Variants in AKR1B15 observed in about 807,000 individuals in gnomAD.
AKR1B15 encodes estradiol 17-beta-dehydrogenase AKR1B15.
A neutral mutation model predicts 38.5 loss-of-function variants in AKR1B15; 49 were observed. The ratio of observed to expected loss-of-function variants is 1.27; its 90% CI spans 1.01 to 1.62. The LOEUF (loss-of-function observed/expected upper bound fraction) is 1.62, where lower values mean the gene tolerates loss of function less well. Ranked by LOEUF, AKR1B15 falls within the 40% of genes most tolerant of loss-of-function variation. AKR1B15 has a pLI of 0.00. For synonymous variants in AKR1B15, 137 were observed against 135.5 expected (o/e 1.01, Z -0.08); for missense variants, 411 against 381.6 (o/e 1.08, Z -0.64).
intron 1 of AKR1B15, among the ~76,000 whole-genome samples, chr7:134,555,407 C>T (rs1056586109): frequency 6.6e-6 from 1 of 152,064 alleles, no homozygotes; most frequent in East Asian, 1.9e-4. Flanking sequence ...TCATCATTCT[C>T]GCATCAAAAA....
At chr7:134,555,753 G>A (rs995375502) in intron 1 of AKR1B15, among the ~76,000 whole-genome samples, 4 of 152,116 alleles carry the variant, frequency 2.6e-5, no homozygotes, top group African/African-American at 9.7e-5. Flanking sequence ...TTGCTGCAGG[G>A]TTCGGACACA....
chr7:134,564,235 C>G (rs1794483008), intron 2 of AKR1B15, among the ~76,000 whole-genome samples: 2 of 152,176 alleles, frequency 1.3e-5, no homozygotes, highest in Non-Finnish European at 2.9e-5. Context: ...ATTTCTCAGA[C>G]AGTTTGCAAG....
chr7:134,564,196 A>G (rs1180993822), intron 2 of AKR1B15, among the ~76,000 whole-genome samples: 1 of 152,156 alleles, frequency 6.6e-6, no homozygotes, highest in East Asian at 1.9e-4. Flanking sequence ...TATCTACTTC[A>G]TTATCCTACT....
rs549856506 is a variant in AKR1B15, at chr7:134,573,548, G to A, written c.513+1867G>A. On this transcript the variant is annotated intron_variant, in intron 6 of 11. Transcript: ENST00000457545. ...AGCATGCTTGAATACGTAAGCATTG[G>A]ATGTTTATGTAGACCCACAACCAGT... 1.0e-5 allele frequency: 10 copies of A among 985,234 alleles called. No homozygotes were observed. The Admixed American group carries it at 5.5e-4, about 54-fold the overall frequency. 61.0% of individuals were successfully genotyped at this position (985,234 alleles called of 1,614,324 possible).
chr7:134,562,827 CCTTTCTCTTTCTTT>C (rs1415526816), intron 2 of AKR1B15, among the ~76,000 whole-genome samples: 2 of 138,316 alleles, frequency 1.4e-5, no homozygotes, highest in Non-Finnish European at 3.1e-5. Context: ...TTCCTTCCTT[CCTTTCTCTTTCTTT>C]CTTTCTTTCT....
chr7:134,554,569 G>A lies in AKR1B15; in HGVS notation c.-146-2167G>A, dbSNP rs75926818. 3.9e-5 allele frequency among the ~76,000 whole-genome samples: 6 copies of A among 152,124 alleles called. No homozygotes were observed. In the East Asian group the frequency reaches 7.7e-4, roughly 20 times the overall value. On this transcript the variant is annotated intron_variant, in intron 1 of 11. Transcript: ENST00000457545. Reference sequence around the variant, plus strand: ...CTAACCAAGCAGCTCTCCAGTAAACGGCTTGTGCCCAAGTAAACACCAAGC... The same window carrying A: ...CTAACCAAGCAGCTCTCCAGTAAACAGCTTGTGCCCAAGTAAACACCAAGC...
At chr7:134,579,440 A>G in intron 11 of AKR1B15, 67 bp from the exon 12 acceptor site, 3 of 1,352,004 alleles carry the variant, frequency 2.2e-6, no homozygotes, top group East Asian at 2.3e-5. Flanking sequence ...AGAGAAGAAT[A>G]CCTTCTCAGC....
At chr7:134,574,588 A>G (rs1794724260) in intron 6 of AKR1B15, among the ~76,000 whole-genome samples, 1 of 152,220 alleles carries the variant, frequency 6.6e-6, no homozygotes, top group Non-Finnish European at 1.5e-5. Flanking sequence ...AGAAGAAGGA[A>G]GCACATTGTA....
At chr7:134,554,211 A>G (rs891891310) in intron 1 of AKR1B15, among the ~76,000 whole-genome samples, 5 of 152,164 alleles carry the variant, frequency 3.3e-5, no homozygotes, top group African/African-American at 1.2e-4. Context: ...AGACATGGCC[A>G]TTGCTCGTGG....
intron 1 of AKR1B15, among the ~76,000 whole-genome samples, chr7:134,554,103 AAG>A (rs1794102527): frequency 1.3e-5 from 2 of 152,350 alleles, no homozygotes; most frequent in South Asian, 4.1e-4. Context: ...CTCAGCAGGA[AAG>A]AGTGTCAACA....
intron 1 of AKR1B15, among the ~76,000 whole-genome samples, chr7:134,553,242 C>T (rs932430468): frequency 2.0e-5 from 3 of 152,166 alleles, no homozygotes; most frequent in Non-Finnish European, 4.4e-5. Flanking sequence ...AATTGCCAAA[C>T]CCCTGTACAC....
intron 2 of AKR1B15, among the ~76,000 whole-genome samples, chr7:134,562,265 A>C (rs986192351): frequency 2.6e-5 from 4 of 152,204 alleles, no homozygotes; most frequent in Middle Eastern, 3.2e-3. Flanking sequence ...AGCAGCAGGA[A>C]GATTTATTTT....
intron 11 of AKR1B15, among the ~76,000 whole-genome samples, chr7:134,579,268 C>T (rs1335071636): frequency 4.6e-5 from 7 of 152,104 alleles, no homozygotes; most frequent in Non-Finnish European, 7.4e-5. Flanking sequence ...CCAGGCTTAC[C>T]GTGAGTTGTC....
chr7:134,562,596 T>G (rs1490454850), intron 2 of AKR1B15, among the ~76,000 whole-genome samples: 1 of 152,072 alleles, frequency 6.6e-6, no homozygotes, highest in African/African-American at 2.4e-5. Flanking sequence ...GATTGGTGCA[T>G]TTTACAATCC....
chr7:134,562,493 G>A (rs558629730), intron 2 of AKR1B15, among the ~76,000 whole-genome samples: 114 of 151,904 alleles, frequency 7.5e-4, no homozygotes, highest in African/African-American at 2.3e-3. Context: ...TTTACAGAGC[G>A]CTGATTGGTC....
At chr7:134,565,168 C>T (rs752160053) in intron 3 of AKR1B15, 20 of 354,620 alleles carry the variant, frequency 5.6e-5, no homozygotes, top group South Asian at 1.4e-4. Flanking sequence ...ACCCTCTTGA[C>T]GAAAAATCTT....
At chr7:134,576,917 G>A in intron 9 of AKR1B15, 46 bp from the exon 10 acceptor site, 1 of 1,526,792 alleles carries the variant, frequency 6.5e-7, no homozygotes, top group East Asian at 2.3e-5. Flanking sequence ...ATAAAAGGAG[G>A]GGTCCTTGTA....
rs10275359 is a variant in AKR1B15, at chr7:134,550,760, T to C, written c.-147+1511T>C. 4.4e-3 allele frequency among the ~76,000 whole-genome samples: 671 copies of C among 152,310 alleles called. 6 individuals carry two copies. The highest frequency in any genetic ancestry group is 0.015 in the African/African-American group (630 of 41,574). On this transcript the variant is annotated intron_variant, in intron 1 of 11. Transcript: ENST00000457545. ...AAAGATTGGAGTCCTCTCCAGTGTA[T>C]GTTGCAGAATTTCTCTCTAGGCTTC...
intron 3 of AKR1B15, chr7:134,565,389 C>T (rs564469452): frequency 3.4e-5 from 54 of 1,592,416 alleles, no homozygotes; most frequent in African/African-American, 6.7e-5. Flanking sequence ...TTGAAGCCAG[C>T]GAGACCACGA....
Sources: gnomAD v4.1 joint callset for allele counts (sites outside exome capture counted in the v4.1 genomes callset) on GRCh38, gnomAD v4.1.1 for gene constraint, MANE v1.5 for transcripts, NCBI Gene and HGNC (gene_info 2026-07-23, HGNC 2026-07-21) for gene names.